ADAMTSL1: variants seen among roughly 807,000 people sequenced by gnomAD.
ADAMTSL1 encodes the protein ADAMTS-like protein 1.
Under a neutral mutation model 201.8 loss-of-function variants are expected in ADAMTSL1, and 126 were observed. The ratio of observed to expected loss-of-function variants is 0.62; its 90% confidence interval spans 0.54 to 0.72. The LOEUF is 0.72. ADAMTSL1 is among the 30% of genes least tolerant of loss of function. ADAMTSL1 has a pLI of 0.00. For synonymous variants in ADAMTSL1, 1,121 were observed against 903.4 expected (o/e 1.24, Z -4.32); for missense variants, 2,679 against 2,277.8 (o/e 1.18, Z -3.59).
Position 18,186,953 on chromosome 9 carries a change from G to A in ADAMTSL1, c.207+22972G>A, listed in dbSNP as rs148476561. Among the ~76,000 whole-genome samples, 325 of 152,156 alleles carry A rather than the reference G, an allele frequency of 2.1e-3. 1 individual carries two copies. Among genetic ancestry groups the A allele is most frequent in the Admixed American group, 5.7e-3 (87 of 15,262 alleles). On this transcript the variant is annotated intron_variant, in intron 2 of 29. Coordinates refer to the ADAMTSL1 transcript ENST00000680146. The stretch of plus-strand genomic sequence containing the variant: ...CATAACTGGTAAATGGTGGAACCAG[G>A]ACCCAGACTCAAGACTTTCAACTCT...
At chr9:18,399,118 G>A (rs566385674) in intron 2 of ADAMTSL1, among the ~76,000 whole-genome samples, 2 of 151,454 alleles carry the variant, frequency 1.3e-5, no homozygotes, top group South Asian at 4.2e-4. Flanking sequence ...GGGAGCCTAC[G>A]AGCTTGTGGG....
intron 3 of ADAMTSL1, among the ~76,000 whole-genome samples, chr9:18,560,439 T>A (rs929779560): frequency 6.6e-6 from 1 of 152,234 alleles, no homozygotes; most frequent in Non-Finnish European, 1.5e-5. Context: ...TTCACATCAA[T>A]GTTCATCAGG....
chr9:18,498,600 A>T (rs1321464746), intron 1 of ADAMTSL1, among the ~76,000 whole-genome samples: 3 of 152,110 alleles, frequency 2.0e-5, no homozygotes, highest in African/African-American at 7.2e-5. Flanking sequence ...GGCCTCCCAA[A>T]GTGCTGGCAT....
At chr9:18,005,346 G>C (rs181034457) in intron 1 of ADAMTSL1, among the ~76,000 whole-genome samples, 73 of 152,164 alleles carry the variant, frequency 4.8e-4, no homozygotes, top group African/African-American at 1.5e-3. Flanking sequence ...TGAAGGATGA[G>C]ACATGGCCTT....
chr9:18,709,618 T>C (rs1832433353), intron 14 of ADAMTSL1, among the ~76,000 whole-genome samples: 1 of 152,200 alleles, frequency 6.6e-6, no homozygotes, highest in Admixed American at 6.5e-5. Context: ...TTCTGGGAGA[T>C]ATAAACACTG....
chr9:18,190,568 A>C (rs144224968), intron 2 of ADAMTSL1, among the ~76,000 whole-genome samples: 1 of 152,158 alleles, frequency 6.6e-6, no homozygotes, highest in African/African-American at 2.4e-5. Context: ...TAATTCAGCT[A>C]TTTACAAGAT....
chr9:18,457,958 CTG>C (rs1820670263), intron 2 of ADAMTSL1, among the ~76,000 whole-genome samples: 1 of 152,186 alleles, frequency 6.6e-6, no homozygotes, highest in Admixed American at 6.5e-5. Context: ...GGGGTTATAC[CTG>C]TGTGTATGAT....
intron 16 of ADAMTSL1, among the ~76,000 whole-genome samples, chr9:18,762,500 A>G (rs1301394468): frequency 1.3e-5 from 2 of 152,202 alleles, no homozygotes; most frequent in Non-Finnish European, 2.9e-5. Flanking sequence ...ATTGAGTTAC[A>G]AACAACCCAA....
chr9:18,328,323 T>C (rs1366352878), intron 2 of ADAMTSL1, among the ~76,000 whole-genome samples: 1 of 152,206 alleles, frequency 6.6e-6, no homozygotes, highest in African/African-American at 2.4e-5. Context: ...ACACAATGCA[T>C]TATAATCAGT....
At chr9:18,560,417 T>C (rs1409541071) in intron 3 of ADAMTSL1, among the ~76,000 whole-genome samples, 29 of 152,210 alleles carry the variant, frequency 1.9e-4, no homozygotes, top group Non-Finnish European at 1.5e-5. Context: ...TGCCAGTATT[T>C]TGTTGAAGAT....
chr9:18,408,394 C>T (rs551613690), intron 2 of ADAMTSL1, among the ~76,000 whole-genome samples: 1 of 152,134 alleles, frequency 6.6e-6, no homozygotes, highest in African/African-American at 2.4e-5. Flanking sequence ...TTGCTTGAAC[C>T]CAGGAGACAG....
intron 1 of ADAMTSL1, among the ~76,000 whole-genome samples, chr9:18,042,469 T>A (rs1245107778): frequency 6.6e-6 from 1 of 152,100 alleles, no homozygotes; most frequent in Non-Finnish European, 1.5e-5. Context: ...GTTTTCTAGA[T>A]GAAGACATGA....
intron 2 of ADAMTSL1, among the ~76,000 whole-genome samples, chr9:18,230,368 A>G (rs974557684): frequency 3.4e-4 from 52 of 152,196 alleles, no homozygotes; most frequent in Admixed American, 9.2e-4. Context: ...ATCCAGAATG[A>G]CAGTTAAAAG....
intron 2 of ADAMTSL1, among the ~76,000 whole-genome samples, chr9:18,302,624 T>C (rs1019259138): frequency 3.9e-5 from 6 of 152,228 alleles, no homozygotes; most frequent in Admixed American, 1.3e-4. Flanking sequence ...GATTTTAATA[T>C]GACTTAAACC....
At chr9:18,105,150 C>T (rs776043533) in intron 1 of ADAMTSL1, among the ~76,000 whole-genome samples, 24 of 152,096 alleles carry the variant, frequency 1.6e-4, no homozygotes, top group Non-Finnish European at 1.0e-4. Flanking sequence ...TACAGGACAC[C>T]GTCTCCGCTC....
intron 1 of ADAMTSL1, among the ~76,000 whole-genome samples, chr9:18,067,650 C>T (rs578126630): frequency 2.6e-5 from 4 of 152,230 alleles, no homozygotes; most frequent in African/African-American, 4.8e-5. Flanking sequence ...GATGGAGGGG[C>T]GGTGAAATAC....
In ADAMTSL1 at chr9:18,860,930, C is replaced by T. The variant is rs551890650; in HGVS notation, c.4250-26901C>T. On this transcript the variant is annotated intron_variant, in intron 23 of 28. Coordinates refer to ENST00000380548, the MANE Select transcript of ADAMTSL1 (RefSeq NM_001040272.6). ...CACGTCTGGATTTAGGCTTTCAAATCTGCTGTCCTTGGAATGCCTTTGAGA... is the reference window on the plus strand; with the variant it reads ...CACGTCTGGATTTAGGCTTTCAAATTTGCTGTCCTTGGAATGCCTTTGAGA... 1.3e-3 allele frequency among the ~76,000 whole-genome samples: 192 copies of T among 152,354 alleles called. 1 individual carries two copies. Among genetic ancestry groups the T allele is most frequent in the African/African-American group, 4.4e-3 (182 of 41,588 alleles).
intron 1 of ADAMTSL1, among the ~76,000 whole-genome samples, chr9:18,158,505 A>G (rs1020164103): frequency 3.9e-5 from 6 of 151,928 alleles, no homozygotes; most frequent in African/African-American, 1.4e-4. Context: ...GCTCATTAGA[A>G]TAGTCCTACC....
intron 1 of ADAMTSL1, among the ~76,000 whole-genome samples, chr9:18,016,515 A>C (rs1820267801): frequency 6.6e-6 from 1 of 151,998 alleles, no homozygotes; most frequent in South Asian, 2.1e-4. Flanking sequence ...TTTGCAAGAT[A>C]CCTGATTACA....
Sources: gnomAD v4.1 joint callset for allele counts (sites outside exome capture counted in the v4.1 genomes callset) on GRCh38, gnomAD v4.1.1 for gene constraint, MANE v1.5 for transcripts, NCBI Gene and HGNC (gene_info 2026-07-23, HGNC 2026-07-21) for gene names.